PALLD: variants seen among roughly 807,000 people sequenced by gnomAD.
The protein encoded by PALLD is palladin, cytoskeletal associated protein.
PALLD carries 61 observed loss-of-function variants against 123.5 expected under a neutral mutation model. The ratio of observed to expected loss-of-function variants is 0.49; its 90% CI spans 0.40 to 0.61. PALLD has a LOEUF of 0.61. Ranked by LOEUF, PALLD falls within the 20% of genes least tolerant of loss-of-function variation. The pLI, the probability that PALLD is intolerant of heterozygous loss-of-function variation, is 0.00. For missense variants in PALLD, 1,273 were observed against 1,377.0 expected, an observed-to-expected ratio of 0.92 and a Z score of 1.20; for synonymous variants, 465 against 496.4, an observed-to-expected ratio of 0.94 and a Z score of 0.84.
intron 10 of PALLD, among the ~76,000 whole-genome samples, chr4:168,825,004 T>C (rs910043763): frequency 5.3e-5 from 8 of 151,912 alleles, no homozygotes; most frequent in Non-Finnish European, 1.0e-4. Flanking sequence ...TTTGTAGAGA[T>C]GGAGTTTTGC....
intron 2 of PALLD, among the ~76,000 whole-genome samples, chr4:168,579,104 G>A (rs1425273078): frequency 1.3e-5 from 2 of 152,130 alleles, no homozygotes; most frequent in Non-Finnish European, 2.9e-5. Context: ...CTGTAATTTT[G>A]ACTAAGGCAG....
intron 2 of PALLD, among the ~76,000 whole-genome samples, chr4:168,581,410 G>A (rs978061272): frequency 2.4e-4 from 37 of 151,822 alleles, no homozygotes; most frequent in East Asian, 2.3e-3. Flanking sequence ...CCTTGCCAAC[G>A]CTTAATCTTT....
At chr4:168,536,495 A>G (rs1017368563) in intron 2 of PALLD, 7 of 152,210 alleles carry the variant, frequency 4.6e-5, no homozygotes, top group African/African-American at 1.4e-4. Context: ...TTATAAAGGA[A>G]AGAGGTTTAA....
chr4:168,753,574 G>A (rs542451486), intron 10 of PALLD, among the ~76,000 whole-genome samples: 81 of 152,236 alleles, frequency 5.3e-4, no homozygotes, highest in African/African-American at 1.8e-3. Flanking sequence ...AACTCACAGG[G>A]TGTAGTGGGG....
In PALLD at chr4:168,926,205, C is replaced by T. The variant is rs931051658; in HGVS notation, c.*33-8C>T. On this transcript the variant is annotated splice_polypyrimidine_tract_variant and splice_region_variant and intron_variant, in intron 21 of 21. Coordinates refer to ENST00000505667, the MANE Select transcript of PALLD (RefSeq NM_001166108.2). The stretch of plus-strand genomic sequence containing the variant: ...TTAAAAATCTTAATTTACTCTTTTT[C>T]TTTGTAGCCCAGTGGCATCAGCAGT... 2 of 1,505,268 alleles carry T rather than the reference C, an allele frequency of 1.3e-6. No individual in the cohort carries two copies. The highest frequency in any genetic ancestry group is 2.2e-5 in the Admixed American group (1 of 44,644). The allele number at this position is 1,505,268 out of a possible 1,614,324, so 93.2% of individuals were successfully genotyped here. A position where few individuals can be genotyped will look rare whatever the true frequency, so the allele number is the denominator to read the frequency against.
At chr4:168,715,882 G>C (rs928869988) in intron 10 of PALLD, among the ~76,000 whole-genome samples, 4 of 151,992 alleles carry the variant, frequency 2.6e-5, no homozygotes, top group African/African-American at 9.7e-5. Context: ...CCCGGAGGGC[G>C]GAGCCTGCAG....
intron 10 of PALLD, among the ~76,000 whole-genome samples, chr4:168,766,710 C>T (rs889768073): frequency 2.6e-5 from 4 of 152,320 alleles, no homozygotes; most frequent in East Asian, 1.9e-4. Context: ...GAACGACCTT[C>T]GGGAGAAGTC....
At chr4:168,868,792 A>G (rs1750688250) in intron 10 of PALLD, among the ~76,000 whole-genome samples, 1 of 152,200 alleles carries the variant, frequency 6.6e-6, no homozygotes, top group Non-Finnish European at 1.5e-5. Flanking sequence ...TTATCTCAGG[A>G]TACAGTCTAT....
chr4:168,899,556 T>G (rs1416506816), intron 14 of PALLD, among the ~76,000 whole-genome samples: 1 of 152,036 alleles, frequency 6.6e-6, no homozygotes, highest in South Asian at 2.1e-4. Context: ...GAAATAACCA[T>G]GAGGAGAGTT....
intron 10 of PALLD, among the ~76,000 whole-genome samples, chr4:168,890,080 C>T (rs1202816978): frequency 1.3e-5 from 2 of 152,118 alleles, no homozygotes; most frequent in African/African-American, 4.8e-5. Context: ...TTGTCCACTG[C>T]CCTATGAGGG....
At chr4:168,767,893 C>T (rs544279571) in intron 10 of PALLD, among the ~76,000 whole-genome samples, 48 of 152,220 alleles carry the variant, frequency 3.2e-4, no homozygotes, top group African/African-American at 1.1e-3. Context: ...GACCTCAGTC[C>T]AAGCCTGGCT....
rs1442067136 is a variant in PALLD, at chr4:168,877,954, G to A, written c.1965-12968G>A. ...AGTCCTCCGGCTCCTTCAACTACGC[G>A]CGCCCCAAGCAGTTCATCGCCGCGC... On this transcript the variant is annotated intron_variant, in intron 10 of 21. Coordinates refer to ENST00000505667, the MANE Select transcript of PALLD (RefSeq NM_001166108.2). The A allele has an allele frequency of 3.3e-6, 5 of 1,500,350 alleles. No individual in the cohort carries two copies. The East Asian group carries it at 8.2e-5, about 25-fold the overall frequency. The allele number at this position is 1,500,350 out of a possible 1,614,324, so 92.9% of individuals were successfully genotyped here.
intron 10 of PALLD, among the ~76,000 whole-genome samples, chr4:168,883,389 ACT>A (rs1290433336): frequency 1.3e-5 from 2 of 152,168 alleles, no homozygotes; most frequent in Non-Finnish European, 2.9e-5. Flanking sequence ...GAGTTTGCTC[ACT>A]CTGAAATTTT....
At chr4:168,641,784 C>A (rs1220499008) in intron 2 of PALLD, among the ~76,000 whole-genome samples, 2 of 152,146 alleles carry the variant, frequency 1.3e-5, no homozygotes, top group East Asian at 3.9e-4. Flanking sequence ...TACTCCCGTG[C>A]ACCCCAGCTG....
chr4:168,666,869 G>T (rs1186489549), intron 2 of PALLD, among the ~76,000 whole-genome samples: 1 of 152,130 alleles, frequency 6.6e-6, no homozygotes, highest in Non-Finnish European at 1.5e-5. Flanking sequence ...GAGACTGGAG[G>T]ATGACTCTGG....
intron 12 of PALLD, among the ~76,000 whole-genome samples, chr4:168,896,281 A>C (rs915859163): frequency 6.6e-6 from 1 of 152,196 alleles, no homozygotes; most frequent in Non-Finnish European, 1.5e-5. Flanking sequence ...TCTATCTTAA[A>C]TGTGCTCACA....
chr4:168,554,339 T>C (rs773868692), intron 2 of PALLD, among the ~76,000 whole-genome samples: 3 of 152,260 alleles, frequency 2.0e-5, no homozygotes, highest in Non-Finnish European at 2.9e-5. Flanking sequence ...AATACCCTTA[T>C]TGAGTTTCTC....
At chr4:168,774,983 C>A (rs1057222159) in intron 10 of PALLD, among the ~76,000 whole-genome samples, 13 of 151,984 alleles carry the variant, frequency 8.6e-5, no homozygotes, top group African/African-American at 2.9e-4. Flanking sequence ...ATGTATAATA[C>A]CTCATTCCTT....
At chr4:168,620,435 A>G (rs928024701) in intron 2 of PALLD, among the ~76,000 whole-genome samples, 3 of 152,228 alleles carry the variant, frequency 2.0e-5, no homozygotes, top group Non-Finnish European at 4.4e-5. Context: ...AACCTGGGCG[A>G]CAGAGTGAGA....
Sources: gnomAD v4.1 joint callset for allele counts (sites outside exome capture counted in the v4.1 genomes callset) on GRCh38, gnomAD v4.1.1 for gene constraint, MANE v1.5 for transcripts, NCBI Gene and HGNC (gene_info 2026-07-23, HGNC 2026-07-21) for gene names.